Variants in GPR55 observed in about 807,000 individuals in gnomAD.
GPR55 encodes the protein G protein-coupled receptor 55, also known as G-protein coupled receptor 55.
Under a neutral mutation model 7.9 loss-of-function variants are expected in GPR55, and 6 were observed. The ratio of observed to expected loss-of-function variants is 0.76; its 90% CI spans 0.41 to 1.49. The LOEUF (loss-of-function observed/expected upper bound fraction) is 1.49, where lower values mean the gene tolerates loss of function less well. Among genes scored for constraint, GPR55 ranks in the 40% most tolerant of loss-of-function variants. GPR55 has a pLI of 0.01. For synonymous variants in GPR55, 183 were observed against 166.8 expected, an observed-to-expected ratio of 1.10 and a Z score of -0.75; for missense variants, 376 against 406.0, an observed-to-expected ratio of 0.93 and a Z score of 0.63.
chr2:230,956,518 TAAAC>T (rs962301455), intron 1 of GPR55, among the ~76,000 whole-genome samples: 8 of 152,186 alleles, frequency 5.3e-5, no homozygotes, highest in African/African-American at 1.4e-4. Context: ...GAAAATCAGT[TAAAC>T]AAACACCCAA....
chr2:230,927,219 T>C (rs1180535297), upstream of GPR55, among the ~76,000 whole-genome samples: 1 of 152,186 alleles, frequency 6.6e-6, no homozygotes, highest in Non-Finnish European at 1.5e-5. Context: ...ACCTGAGCTC[T>C]TATTTTCTCC....
In GPR55 at chr2:230,949,890, A is replaced by G. The variant is rs1691374122; in HGVS notation, c.-135+10885T>C. Among the ~76,000 whole-genome samples the G allele has an allele frequency of 1.3e-5, 2 of 151,948 alleles. 1 individual carries two copies. The highest frequency in any genetic ancestry group is 4.1e-4 in the South Asian group (2 of 4,824). Reference sequence around the variant, plus strand: ...CGCTCTGTCACCCAGGCTGGAGTACAGTGGCACAATCTCGGCTCACTACAA... The same window carrying G: ...CGCTCTGTCACCCAGGCTGGAGTACGGTGGCACAATCTCGGCTCACTACAA... On this transcript the variant is annotated intron_variant, in intron 1 of 1. Coordinates refer to the GPR55 transcript ENST00000392039.
Position 230,923,472 on chromosome 2 carries a change from A to G in GPR55, c.-135+1696T>C, listed in dbSNP as rs1228206578. 6.6e-6 allele frequency among the ~76,000 whole-genome samples: 1 copy of G among 152,228 alleles called. No homozygotes were observed. Among genetic ancestry groups the G allele is most frequent in the Non-Finnish European group, 1.5e-5 (1 of 68,048 alleles). On this transcript the variant is annotated intron_variant, in intron 1 of 1. Coordinates refer to ENST00000650999, the MANE Select transcript of GPR55 (RefSeq NM_005683.4). This position sits in a 1 kb window ranked among gnomAD's most constrained non-coding sequence, Gnocchi z 4.1. ...TATCCACCAGTAACACCATAGTGTG[A>G]ATAAAGTCATCCGCCTGTGCCTGAG...
intron 1 of GPR55, among the ~76,000 whole-genome samples, chr2:230,912,406 C>A (rs1369525609): frequency 6.6e-6 from 1 of 152,068 alleles, no homozygotes; most frequent in African/African-American, 2.4e-5. Flanking sequence ...ATACTAGTGA[C>A]CACTGCAGCT....
intron 1 of GPR55, among the ~76,000 whole-genome samples, chr2:230,916,527 G>C (rs1314520473): frequency 7.3e-6 from 1 of 136,486 alleles, no homozygotes; most frequent in Non-Finnish European, 1.6e-5. Context: ...CTCTCTCTAA[G>C]AAAAAAAAAA....
rs73992988 is a variant in GPR55, at chr2:230,935,168, C to T, written c.-134-24072G>A. 3.6e-3 allele frequency among the ~76,000 whole-genome samples: 548 copies of T among 152,238 alleles called. 4 individuals are homozygous for T. Among genetic ancestry groups the T allele is most frequent in the African/African-American group, 0.012 (517 of 41,522 alleles). On this transcript the variant is annotated intron_variant, in intron 1 of 1. Coordinates refer to the GPR55 transcript ENST00000392039. ...GTGACCACATTTCCAAGAGAAGGCT[C>T]CTGGCGCTGTGGTCAGACAAAGCGG...
chr2:230,919,173 CAA>C lies in GPR55; in HGVS notation c.-135+5993_-135+5994del, dbSNP rs998554353. ...CCAAATTCATCAAGGAATTACATTTCAAAACAATCAAATCATAGAAAAACTAG... is the reference window on the plus strand; with the variant it reads ...CCAAATTCATCAAGGAATTACATTTCAACAATCAAATCATAGAAAAACTAG... On this transcript the variant is annotated intron_variant, in intron 1 of 1. Coordinates refer to ENST00000650999, the MANE Select transcript of GPR55 (RefSeq NM_005683.4). 7.2e-5 allele frequency among the ~76,000 whole-genome samples: 11 copies of C among 152,116 alleles called. No homozygotes were observed. In the South Asian group the frequency reaches 8.3e-4, roughly 11 times the overall value.
At chr2:230,942,447 C>T (rs536261644) in intron 1 of GPR55, among the ~76,000 whole-genome samples, 43 of 152,308 alleles carry the variant, frequency 2.8e-4, no homozygotes, top group Non-Finnish European at 4.6e-4. Context: ...CCTCCATTCC[C>T]CACTCAGGCC....
At chr2:230,913,417 C>CAT (rs915196324) in intron 1 of GPR55, among the ~76,000 whole-genome samples, 6 of 152,130 alleles carry the variant, frequency 3.9e-5, no homozygotes, top group East Asian at 1.9e-4. Flanking sequence ...TTTATAGGTT[C>CAT]ATATATATAT....
intron 1 of GPR55, among the ~76,000 whole-genome samples, chr2:230,960,379 G>A (rs1559182645): frequency 6.6e-6 from 1 of 152,188 alleles, no homozygotes; most frequent in Non-Finnish European, 1.5e-5. Context: ...TTCTAAAAGG[G>A]AAGGCAGAAT....
chr2:230,933,156 C>T (rs796576367), intron 1 of GPR55, among the ~76,000 whole-genome samples: 14 of 152,196 alleles, frequency 9.2e-5, no homozygotes, highest in African/African-American at 3.4e-4. Context: ...TGGGCCTAGC[C>T]AAGCCCCTGA....
At chr2:230,928,856 AC>A (rs1319665867), upstream of GPR55, among the ~76,000 whole-genome samples, 2 of 152,054 alleles carry the variant, frequency 1.3e-5, no homozygotes, top group Non-Finnish European at 2.9e-5. Flanking sequence ...CTCTGCTCCA[AC>A]CCTCCAGGTG....
Position 230,949,442 on chromosome 2 carries a change from G to A in GPR55, c.-135+11333C>T, listed in dbSNP as rs184412853. ...CTCCCAATGTGCTGAGATCACAGGC[G>A]TGAGCCACCGCGCCCATCCTGCTTT... is the stretch of plus-strand genomic sequence containing the variant. On this transcript the variant is annotated intron_variant, in intron 1 of 1. Coordinates refer to the GPR55 transcript ENST00000392039. Among the ~76,000 whole-genome samples, 1,158 of 152,314 alleles carry A rather than the reference G, an allele frequency of 7.6e-3. 15 individuals carry two copies. The highest frequency in any genetic ancestry group is 0.023 in the African/African-American group (970 of 41,570).
chr2:230,946,389 A>G (rs916732226), intron 1 of GPR55, among the ~76,000 whole-genome samples: 7 of 152,264 alleles, frequency 4.6e-5, no homozygotes, highest in Non-Finnish European at 1.0e-4. Flanking sequence ...CACACAAAAA[A>G]GATAACTGTG....
chr2:230,957,008 G>C (rs1691492727), intron 1 of GPR55, among the ~76,000 whole-genome samples: 1 of 151,682 alleles, frequency 6.6e-6, no homozygotes. Context: ...ATCAGAAGTA[G>C]TTTCTGTTCA....
At chr2:230,929,220 C>T (rs554213653), upstream of GPR55, among the ~76,000 whole-genome samples, 5 of 152,210 alleles carry the variant, frequency 3.3e-5, no homozygotes, top group East Asian at 7.7e-4. Flanking sequence ...CTATACCACA[C>T]GAAGCCCGTT....
chr2:230,916,439 G>A (rs916239820), intron 1 of GPR55, among the ~76,000 whole-genome samples: 2 of 151,052 alleles, frequency 1.3e-5, no homozygotes, highest in Admixed American at 6.6e-5. Context: ...TGGGAGGATC[G>A]CTTGAGCCCA....
intron 1 of GPR55, among the ~76,000 whole-genome samples, chr2:230,948,894 A>T (rs566983326): frequency 2.6e-5 from 4 of 152,296 alleles, no homozygotes; most frequent in Admixed American, 1.3e-4. Flanking sequence ...CCTGGGAAAC[A>T]TTGGGAGACC....
chr2:230,928,709 A>G (rs1690984427), upstream of GPR55: 1 of 152,158 alleles, frequency 6.6e-6, no homozygotes, highest in East Asian at 1.9e-4. Context: ...AAAAAGGAGG[A>G]ACATTGATAA....
Sources: gnomAD v4.1 joint callset for allele counts (sites outside exome capture counted in the v4.1 genomes callset) on GRCh38, gnomAD v4.1.1 for gene constraint, Gnocchi (gnomAD v3.1) non-coding constraint, MANE v1.5 for transcripts, NCBI Gene and HGNC (gene_info 2026-07-23, HGNC 2026-07-21) for gene names.